Variants in SLC24A2 observed in about 807,000 individuals in gnomAD.
SLC24A2 encodes solute carrier family 24 member 2, also known as sodium/potassium/calcium exchanger 2.
In SLC24A2, 36 loss-of-function variants were observed where a neutral mutation model predicts 62.0. The observed-to-expected ratio is 0.58, with a 90% CI of 0.44 to 0.77. SLC24A2 has a LOEUF of 0.77. Ranked by LOEUF, SLC24A2 falls within the 30% of genes least tolerant of loss-of-function variation. SLC24A2 has a pLI of 0.00. For synonymous variants in SLC24A2, 358 were observed against 294.0 expected (o/e 1.22, Z -2.23); for missense variants, 846 against 817.9 (o/e 1.03, Z -0.42).
At chr9:20,252,534 G>T in the SLC24A2 span, among the ~76,000 whole-genome samples, 1 of 152,148 alleles carries the variant, frequency 6.6e-6, no homozygotes, top group Admixed American at 6.5e-5. Context: ...TAGAGCACTT[G>T]TTTCCAAAGT....
At chr9:19,897,386 T>C in the SLC24A2 span, among the ~76,000 whole-genome samples, 1 of 152,216 alleles carries the variant, frequency 6.6e-6, no homozygotes, top group African/African-American at 2.4e-5. Context: ...AGTTTACTTT[T>C]CTTTTAGACA....
At chr9:19,567,876 T>C (rs1468890890) in intron 7 of SLC24A2, among the ~76,000 whole-genome samples, 1 of 152,180 alleles carries the variant, frequency 6.6e-6, no homozygotes, top group Non-Finnish European at 1.5e-5. Context: ...AAAAACTTCA[T>C]TCCTCTGTGA....
rs1415016607 is a variant in SLC24A2, at chr9:19,786,514, C to T, written c.353G>A (p.Gly118Glu). The T allele has an allele frequency of 9.3e-6, 15 of 1,614,062 alleles. No individual in the cohort carries two copies. The Admixed American group carries it at 2.2e-4, about 23-fold the overall frequency. The change falls in exon 2 of 11, where the codon GGA becomes GAA. Residue 118 changes from glycine (G) to glutamate (E), a missense_variant. Gly to Glu is a moderately conservative substitution (Grantham distance 98). Coordinates refer to ENST00000341998, the MANE Select transcript of SLC24A2 (RefSeq NM_020344.4). This position sits in a 1 kb window ranked among gnomAD's most constrained non-coding sequence, Gnocchi z 5.0. ...GGAAAAGATGTCTTTCGGGTAGTCT[C>T]CTTGGGCGTGATCTGTACTATTCTC... Reference protein sequence around the residue: ...ESENSTDHAQGDYPKDIFSLE... With the variant: ...ESENSTDHAQEDYPKDIFSLE...
intron 2 of SLC24A2, among the ~76,000 whole-genome samples, chr9:19,763,951 T>A (rs1424920391): frequency 6.6e-6 from 1 of 152,196 alleles, no homozygotes; most frequent in African/African-American, 2.4e-5. Context: ...CCGGGCTTTT[T>A]TTGGTTGGCA....
the SLC24A2 span, among the ~76,000 whole-genome samples, chr9:20,060,594 C>T: frequency 6.6e-6 from 1 of 152,168 alleles, no homozygotes; most frequent in African/African-American, 2.4e-5. Flanking sequence ...CAAAACCCAA[C>T]ACTGATTCAT....
the SLC24A2 span, among the ~76,000 whole-genome samples, chr9:19,992,805 G>T: frequency 6.6e-6 from 1 of 152,168 alleles, no homozygotes; most frequent in Non-Finnish European, 1.5e-5. Context: ...AAATGTACTT[G>T]TGACCTTAAA....
chr9:20,275,229 A>G, the SLC24A2 span, among the ~76,000 whole-genome samples: 3 of 152,276 alleles, frequency 2.0e-5, no homozygotes, highest in Admixed American at 2.0e-4. Flanking sequence ...GAGGAGAGAG[A>G]AGACCTGCAG....
rs1291054750 is a variant in SLC24A2, at chr9:19,513,466, G to C, written c.*2687C>G. The C allele has an allele frequency of 2.0e-5, 3 of 152,086 alleles. No homozygotes were observed. Among genetic ancestry groups the C allele is most frequent in the Non-Finnish European group, 4.4e-5 (3 of 68,044 alleles). The allele number at this position is 152,086 out of a possible 1,614,324, so 9.4% of individuals were successfully genotyped here. ...GCAGTGCTGTTGTAGGTCAGGCTCAGTGCACATGACTGATGTGGGAACGGG... is the reference window on the plus strand; with the variant it reads ...GCAGTGCTGTTGTAGGTCAGGCTCACTGCACATGACTGATGTGGGAACGGG... On this transcript the variant is annotated 3_prime_UTR_variant, in exon 11 of 11. Coordinates refer to ENST00000341998, the MANE Select transcript of SLC24A2 (RefSeq NM_020344.4).
chr9:19,670,209 T>G (rs1819375901), intron 2 of SLC24A2, among the ~76,000 whole-genome samples: 1 of 152,116 alleles, frequency 6.6e-6, no homozygotes, highest in South Asian at 2.1e-4. Flanking sequence ...TAGCTGTAGG[T>G]GGTAAGTACA....
chr9:19,878,082 G>C, the SLC24A2 span, among the ~76,000 whole-genome samples: 3 of 152,208 alleles, frequency 2.0e-5, no homozygotes, highest in African/African-American at 4.8e-5. Flanking sequence ...GGGCTCGATA[G>C]ATCCAGAGTG....
At chr9:19,971,846 G>A in the SLC24A2 span, among the ~76,000 whole-genome samples, 5 of 152,158 alleles carry the variant, frequency 3.3e-5, no homozygotes, top group Admixed American at 6.5e-5. Flanking sequence ...AGCCCTTGAT[G>A]TATGTCAACT....
At chr9:19,585,945 A>G (rs958740108) in intron 5 of SLC24A2, among the ~76,000 whole-genome samples, 2 of 152,204 alleles carry the variant, frequency 1.3e-5, no homozygotes, top group African/African-American at 4.8e-5. Flanking sequence ...TAGCAGGGTC[A>G]CCTTATCGTT....
chr9:19,630,447 A>G (rs960130051), intron 2 of SLC24A2, among the ~76,000 whole-genome samples: 4 of 152,186 alleles, frequency 2.6e-5, no homozygotes, highest in African/African-American at 9.6e-5. Flanking sequence ...TTTTTTAAAA[A>G]TAAGAAACTT....
chr9:20,124,238 G>A, the SLC24A2 span, among the ~76,000 whole-genome samples: 3 of 151,734 alleles, frequency 2.0e-5, no homozygotes, highest in Admixed American at 1.3e-4. Flanking sequence ...AGGAGGATAT[G>A]GTGTTTGATT....
intron 2 of SLC24A2, among the ~76,000 whole-genome samples, chr9:19,703,336 C>G (rs528320430): frequency 6.6e-6 from 1 of 152,172 alleles, no homozygotes; most frequent in Non-Finnish European, 1.5e-5. Context: ...AACACGAGCC[C>G]TTTCATTCCA....
chr9:19,758,669 C>T lies in SLC24A2; in HGVS notation c.930+27268G>A, dbSNP rs79105840. Among the ~76,000 whole-genome samples, 55 of 152,092 alleles carry T rather than the reference C, an allele frequency of 3.6e-4. 1 individual carries two copies. In the East Asian group the frequency reaches 9.9e-3, roughly 27 times the overall value. On this transcript the variant is annotated intron_variant, in intron 2 of 10. Transcript: ENST00000341998. ...AGTGTATATTTGAAAGGTTTTTGAA[C>T]GGGATTGGCTTTTGTAAGTGTGAGG... is the stretch of plus-strand genomic sequence containing the variant.
intron 7 of SLC24A2, among the ~76,000 whole-genome samples, chr9:19,551,094 G>C (rs542918140): frequency 6.6e-6 from 1 of 152,220 alleles, no homozygotes; most frequent in Admixed American, 6.5e-5. Context: ...CTGTAAGTTT[G>C]TACCCATTGA....
the SLC24A2 span, among the ~76,000 whole-genome samples, chr9:20,118,682 A>G: frequency 6.6e-6 from 1 of 152,112 alleles, no homozygotes; most frequent in Admixed American, 6.6e-5. Flanking sequence ...GAAAATGAAA[A>G]TCATTTTCAA....
In SLC24A2 at chr9:19,765,761, A is replaced by C. The variant is rs183804849; in HGVS notation, c.930+20176T>G. Among the ~76,000 whole-genome samples the C allele has an allele frequency of 1.5e-3, 221 of 152,108 alleles. 4 individuals carry two copies. Among genetic ancestry groups the C allele is most frequent in the Non-Finnish European group, 7.8e-4 (53 of 68,012 alleles). On this transcript the variant is annotated intron_variant, in intron 2 of 10. Transcript: ENST00000341998. ...CTTCATTTCAATTTTGGTGAATCTGACATTTATGTGTTTTGGGGTTGCTCT... is the reference window on the plus strand; with the variant it reads ...CTTCATTTCAATTTTGGTGAATCTGCCATTTATGTGTTTTGGGGTTGCTCT...
Sources: gnomAD v4.1 joint callset for allele counts (sites outside exome capture counted in the v4.1 genomes callset) on GRCh38, gnomAD v4.1.1 for gene constraint, Gnocchi (gnomAD v3.1) non-coding constraint, MANE v1.5 for transcripts, NCBI Gene and HGNC (gene_info 2026-07-23, HGNC 2026-07-21) for gene names.